Variants in FMNL1 observed in about 807,000 individuals in gnomAD.
FMNL1 encodes the protein formin like 1.
A neutral mutation model predicts 121.3 loss-of-function variants in FMNL1; 43 were observed. That is an observed-to-expected ratio of 0.35 (90% CI 0.28 to 0.46). The LOEUF is 0.46. Among genes scored for constraint, FMNL1 ranks in the 20% least tolerant of loss-of-function variants. The pLI, the probability that FMNL1 is intolerant of heterozygous loss-of-function variation, is 1.00. For missense variants in FMNL1, 1,191 were observed against 1,482.4 expected, an observed-to-expected ratio of 0.80 and a Z score of 3.23; for synonymous variants, 613 against 613.5, an observed-to-expected ratio of 1.00 and a Z score of 0.01.
Position 45,241,684 on chromosome 17 carries a change from G to A in FMNL1, c.1585+50G>A, listed in dbSNP as rs201060978. Reference sequence around the variant, plus strand: ...GGGATGCGGGGCAGGGTCTGGAGGGGAGCCCAGGGGCATCTGTGGCGGGCA... The same window carrying A: ...GGGATGCGGGGCAGGGTCTGGAGGGAAGCCCAGGGGCATCTGTGGCGGGCA... On this transcript the variant is annotated intron_variant, in intron 14 of 26. Coordinates refer to ENST00000331495, the MANE Select transcript of FMNL1 (RefSeq NM_005892.4). This position sits in a 1 kb window ranked among gnomAD's most constrained non-coding sequence, Gnocchi z 7.0. 11,117 of 1,453,428 alleles carry A rather than the reference G, an allele frequency of 7.6e-3. 47 individuals are homozygous for A. Among genetic ancestry groups the A allele is most frequent in the Non-Finnish European group, 8.2e-3 (9,127 of 1,108,012 alleles). The allele number at this position is 1,453,428 out of a possible 1,614,324, so 90.0% of individuals were successfully genotyped here.
rs1324323993 is a variant in FMNL1 at position 45,233,398 on chromosome 17, G to A, written c.401+101G>A. ...CCTACTCCCCCTGCCCCCTGCACAAGGCTGTGCTTGTGGACCACCTCCTGG... is the reference window on the plus strand; with the variant it reads ...CCTACTCCCCCTGCCCCCTGCACAAAGCTGTGCTTGTGGACCACCTCCTGG... On this transcript the variant is annotated intron_variant, in intron 4 of 26. Transcript: ENST00000331495. This position sits in a 1 kb window ranked among gnomAD's most constrained non-coding sequence, Gnocchi z 4.1. 1.5e-6 allele frequency: 2 copies of A among 1,294,646 alleles called. No individual in the cohort carries two copies. Among genetic ancestry groups the A allele is most frequent in the African/African-American group, 1.5e-5 (1 of 67,050 alleles). 80.2% of individuals were successfully genotyped at this position (1,294,646 alleles called of 1,614,324 possible).
intron 16 of FMNL1, among the ~76,000 whole-genome samples, chr17:45,242,841 A>G (rs1247852591): frequency 6.6e-6 from 1 of 152,122 alleles, no homozygotes; most frequent in Non-Finnish European, 1.5e-5. Context: ...TCTGCCTGGA[A>G]TGTCTTTTCC....
At chr17:45,242,488 C>A in intron 16 of FMNL1, 23 bp downstream of exon 16, 1 of 1,606,684 alleles carries the variant, frequency 6.2e-7, no homozygotes, top group South Asian at 1.1e-5. Flanking sequence ...GCCTGGCTCC[C>A]CATGTGGGCA....
At chr17:45,246,352 G>T (rs1041299058) in intron 25 of FMNL1, 22 bp downstream of exon 25, 7 of 1,613,916 alleles carry the variant, frequency 4.3e-6, no homozygotes, top group Non-Finnish European at 5.9e-6. Flanking sequence ...GCCAGGCCTT[G>T]GTCTTATCCT....
Position 45,237,964 on chromosome 17 carries a change from G to C in FMNL1, c.894+325G>C. On this transcript the variant is annotated intron_variant, in intron 9 of 26. Transcript: ENST00000331495. The surrounding 1 kb of genome is among the most constrained non-coding windows in gnomAD (Gnocchi z 4.4). The stretch of plus-strand genomic sequence containing the variant: ...CAGGAGTTGCGGACTCTGGCTAACA[G>C]GCTTGCAAGAAGTAGATGTGTGGGG... 2 of 295,686 alleles carry C rather than the reference G, an allele frequency of 6.8e-6. No individual in the cohort carries two copies. The highest frequency in any genetic ancestry group is 8.8e-5 in the South Asian group (2 of 22,834). 18.3% of individuals were successfully genotyped at this position (295,686 alleles called of 1,614,324 possible).
chr17:45,242,300 T>G (rs1289705155), intron 15 of FMNL1, 41 bp from the exon 16 acceptor site: 1 of 1,606,380 alleles, frequency 6.2e-7, no homozygotes, highest in South Asian at 1.1e-5. Context: ...CCTCCAGTAG[T>G]ACCCCCAGTG....
intron 23 of FMNL1, 66 bp downstream of exon 23, chr17:45,245,799 G>C (rs1293550170): frequency 1.2e-6 from 2 of 1,608,650 alleles, no homozygotes; most frequent in Admixed American, 3.4e-5. Flanking sequence ...GGGCAGCGGA[G>C]GGGTGGGGCT....
chr17:45,233,832 C>T lies in FMNL1; in HGVS notation c.485+101C>T, dbSNP rs1228142403. On this transcript the variant is annotated intron_variant, in intron 5 of 26. Coordinates refer to ENST00000331495, the MANE Select transcript of FMNL1 (RefSeq NM_005892.4). This position sits in a 1 kb window ranked among gnomAD's most constrained non-coding sequence, Gnocchi z 4.1. ...CCTGGCCAGTTTCAAGCCAGGCAGC[C>T]CGAGCCTACCCTGGAACCCTCCACT... The T allele has an allele frequency of 3.4e-6, 5 of 1,477,994 alleles. No individual in the cohort carries two copies. In the East Asian group the frequency reaches 1.2e-4, roughly 35 times the overall value. 91.6% of individuals were successfully genotyped at this position (1,477,994 alleles called of 1,614,324 possible). A position where few individuals can be genotyped will look rare whatever the true frequency, so the allele number is the denominator to read the frequency against.
In FMNL1 at chr17:45,238,862, GAGA is replaced by G. The variant is rs563643245; in HGVS notation, c.970-90_970-88del. The G allele has an allele frequency of 2.6e-4, 305 of 1,173,794 alleles. No homozygotes were observed. In the African/African-American group the frequency reaches 4.2e-3, roughly 16 times the overall value. 72.7% of individuals were successfully genotyped at this position (1,173,794 alleles called of 1,614,324 possible). A position where few individuals can be genotyped will look rare whatever the true frequency, so the allele number is the denominator to read the frequency against. On this transcript the variant is annotated intron_variant, in intron 10 of 26. Coordinates refer to ENST00000331495, the MANE Select transcript of FMNL1 (RefSeq NM_005892.4). ...GGGAGTTAGTGGAGTGAGAACTGTG[GAGA>G]AGGAGGGAGGCTTGGGGTAAGTGGA...
Position 45,242,377 on chromosome 17 carries a change from G to A in FMNL1, c.1922G>A (p.Arg641Gln), listed in dbSNP as rs2043726418. The change falls in exon 16 of 27, where the codon CGA becomes CAA. Residue 641 changes from arginine to glutamine, a missense_variant. Arg to Gln is a conservative substitution (Grantham distance 43). Coordinates refer to ENST00000331495, the MANE Select transcript of FMNL1 (RefSeq NM_005892.4). ...KAKKPIQTKF[R>Q]MPLLNWVALK... ...AAGAAGCCCATCCAGACTAAGTTCCGAATGCCACTCTTGAACTGGGTGGCA... is the reference window on the plus strand; with the variant it reads ...AAGAAGCCCATCCAGACTAAGTTCCAAATGCCACTCTTGAACTGGGTGGCA... 1.9e-6 allele frequency: 3 copies of A among 1,614,056 alleles called. No homozygotes were observed. The highest frequency in any genetic ancestry group is 2.5e-6 in the Non-Finnish European group (3 of 1,179,934).
At chr17:45,239,153 T>A in intron 11 of FMNL1, 88 bp downstream of exon 11, 1 of 1,104,268 alleles carries the variant, frequency 9.1e-7, no homozygotes, top group Non-Finnish European at 1.4e-6. Flanking sequence ...TGGGGTCAGG[T>A]AGACCTGGGT....
Position 45,234,168 on chromosome 17 carries a change from C to T in FMNL1, c.582C>T (p.Ser194=). 6.2e-7 allele frequency: 1 copy of T among 1,614,124 alleles called. No homozygotes were observed. Among genetic ancestry groups the T allele is most frequent in the Non-Finnish European group, 8.5e-7 (1 of 1,180,020 alleles). ...AAGACCTCAGCAAGGGTCCACCCTC[C>T]TCCGTGCCCAAAAGCCGCCACCTGA... ...SVEDLSKGPP[S]SVPKSRHLTI... is the part of the protein sequence containing the mutation. The change falls in exon 6 of 27, where the codon TCC becomes TCT. Residue 194 remains serine, a synonymous_variant. Transcript: ENST00000331495.
At chr17:45,238,872 G>A in intron 10 of FMNL1, 83 bp from the exon 11 acceptor site, 2 of 1,232,888 alleles carry the variant, frequency 1.6e-6, no homozygotes, top group Non-Finnish European at 2.4e-6. Context: ...GAGAAGGAGG[G>A]AGGCTTGGGG....
rs896002266 is a variant in FMNL1, at chr17:45,234,003, G to A, written c.486-69G>A. 1.7e-5 allele frequency: 27 copies of A among 1,577,590 alleles called. No homozygotes were observed. The East Asian group carries it at 4.6e-4, about 27-fold the overall frequency. On this transcript the variant is annotated intron_variant, in intron 5 of 26. Coordinates refer to ENST00000331495, the MANE Select transcript of FMNL1 (RefSeq NM_005892.4). ...CACCTGCAGGTCTGTCTCTCCTTGC[G>A]TTTCCTCTGCCCCCTCTTAAGTGGC...
At position 45,241,996 on chromosome 17, in the gene FMNL1, C is replaced by T; in HGVS notation, c.1735C>T (p.Pro579Ser). 7.7e-7 allele frequency: 1 copy of T among 1,301,208 alleles called. No individual in the cohort carries two copies. The highest frequency in any genetic ancestry group is 9.8e-7 in the Non-Finnish European group (1 of 1,023,680). The allele number at this position is 1,301,208 out of a possible 1,614,324, so 80.6% of individuals were successfully genotyped here. A position where few individuals can be genotyped will look rare whatever the true frequency, so the allele number is the denominator to read the frequency against. The part of the protein sequence containing the change: ...PGSPEPPPAP[P>S]LPGDLPPPPP... ...CAGCCCGGAGCCCCCGCCTGCGCCG[C>T]CGCTGCCCGGAGACCTGCCGCCCCC... Residue 579 changes from proline to serine, a missense_variant, in exon 15 of 27, where the codon CCG becomes TCG. Physicochemically the swap from Pro to Ser is moderately conservative, Grantham distance 74. Coordinates refer to ENST00000331495, the MANE Select transcript of FMNL1 (RefSeq NM_005892.4). This position sits in a 1 kb window ranked among gnomAD's most constrained non-coding sequence, Gnocchi z 7.0.
chr17:45,226,174 C>A (rs538803291), intron 1 of FMNL1, among the ~76,000 whole-genome samples: 4 of 152,212 alleles, frequency 2.6e-5, no homozygotes, highest in African/African-American at 9.7e-5. Context: ...GGGCCCAGAC[C>A]GAAAACTGCC....
intron 26 of FMNL1, 114 bp from the exon 27 acceptor site, chr17:45,246,753 C>T (rs545470385): frequency 2.5e-6 from 2 of 787,516 alleles, no homozygotes; most frequent in African/African-American, 3.5e-5. Flanking sequence ...AAACGGTACC[C>T]CTGCCATGTG....
At position 45,241,139 on chromosome 17, in the gene FMNL1, G is replaced by A. The variant is rs2043680630; in HGVS notation, c.1241G>A (p.Arg414Gln). 2 of 1,614,000 alleles carry A rather than the reference G, an allele frequency of 1.2e-6. No individual in the cohort carries two copies. The highest frequency in any genetic ancestry group is 1.7e-6 in the Non-Finnish European group (2 of 1,179,912). ...GTGCTGGTGCTACAGCTGACAGAGC[G>A]GCTTCGGGACGCGGAGAACGAATCC... ...LQEQVALLTERLRDAENESMA... is the reference protein window; with the variant it reads ...LQEQVALLTEQLRDAENESMA... Residue 414 changes from arginine to glutamine, a missense_variant, in exon 13 of 27, where the codon CGG (arginine) becomes CAG (glutamine). By Grantham distance (43) the Arg-to-Gln change is conservative. Transcript: ENST00000331495. This position sits in a 1 kb window ranked among gnomAD's most constrained non-coding sequence, Gnocchi z 7.0.
rs983428275 is a variant in FMNL1 at position 45,247,073 on chromosome 17, C to T, written c.*215C>T. ...TCGGCTGGCCGGGCAGCCCCTCCTC[C>T]GCTGTGGCCCGCCTCAAACGGGCTG... On this transcript the variant is annotated 3_prime_UTR_variant, in exon 27 of 27. Coordinates refer to ENST00000331495, the MANE Select transcript of FMNL1 (RefSeq NM_005892.4). The T allele has an allele frequency of 3.2e-5, 20 of 619,404 alleles. No individual in the cohort carries two copies. The African/African-American group carries it at 3.6e-4, about 11-fold the overall frequency. 38.4% of individuals were successfully genotyped at this position (619,404 alleles called of 1,614,324 possible). A position where few individuals can be genotyped will look rare whatever the true frequency, so the allele number is the denominator to read the frequency against.
Sources: allele counts gnomAD v4.1 joint callset (sites outside exome capture counted in the v4.1 genomes callset), GRCh38; gene constraint gnomAD v4.1.1; non-coding constraint Gnocchi (gnomAD v3.1); transcripts MANE v1.5; gene names NCBI Gene and HGNC (gene_info 2026-07-23, HGNC 2026-07-21).